KIN: variants seen among roughly 807,000 people sequenced by gnomAD.
The protein encoded by KIN is DNA/RNA-binding protein KIN17.
A neutral mutation model predicts 63.0 loss-of-function variants in KIN; 47 were observed. The observed-to-expected ratio is 0.75, with a 90% CI of 0.59 to 0.95. KIN has a LOEUF of 0.95. Ranked by LOEUF, KIN falls within the 40% of genes least tolerant of loss-of-function variation. The probability of loss-of-function intolerance (pLI) is 0.00; values close to 1 mark genes in which losing one functional copy is unlikely to be tolerated. For missense variants in KIN, 408 were observed against 460.9 expected, an observed-to-expected ratio of 0.89 and a Z score of 1.05; for synonymous variants, 160 against 157.7, an observed-to-expected ratio of 1.01 and a Z score of -0.11.
At position 7,775,751 on chromosome 10, in the gene KIN, C is replaced by T. The variant is rs997909685; in HGVS notation, c.607G>A (p.Val203Ile). 17 of 1,500,816 alleles carry T rather than the reference C, an allele frequency of 1.1e-5. No homozygotes were observed. Among genetic ancestry groups the T allele is most frequent in the Non-Finnish European group, 1.5e-5 (17 of 1,104,502 alleles). 93.0% of individuals were successfully genotyped at this position (1,500,816 alleles called of 1,614,324 possible). The change falls in exon 6 of 13, where the codon GTC (valine) becomes ATC (isoleucine). Residue 203 changes from valine (V) to isoleucine (I), a missense_variant and splice_region_variant. Physicochemically the swap from Val to Ile is conservative, Grantham distance 29. Transcript: ENST00000379562. ...ELSRENDEEKVTFNLSKGACS... is the reference protein window; with the variant it reads ...ELSRENDEEKITFNLSKGACS... ...AAGAAAAAATAAAAAATAAAACTAC[C>T]TTTCTCTTCATCATTTTCTCTGCTT...
At chr10:7,787,485 G>A (rs1292716417) in intron 1 of KIN, among the ~76,000 whole-genome samples, 1 of 152,220 alleles carries the variant, frequency 6.6e-6, no homozygotes, top group African/African-American at 2.4e-5. Flanking sequence ...AAGAGCTGAT[G>A]ACTGTTACTG....
In KIN at chr10:7,764,237, G is replaced by A. The variant is rs74121650; in HGVS notation, c.850-446C>T. 7.1e-3 allele frequency among the ~76,000 whole-genome samples: 1,082 copies of A among 152,280 alleles called. 8 individuals are homozygous for A. The highest frequency in any genetic ancestry group is 0.025 in the African/African-American group (1,022 of 41,552). ...CAAGGCACTGAGCCTGCAAGCTTAT[G>A]CAGGACAGTTCTCACTATGCCCCTT... is the stretch of plus-strand genomic sequence containing the variant. On this transcript the variant is annotated intron_variant, in intron 9 of 12. Transcript: ENST00000379562.
rs1178824625 is a variant in KIN, at chr10:7,753,243, C to T, written c.*2837G>A. The T allele has an allele frequency of 6.6e-6, 1 of 152,136 alleles. No homozygotes were observed. The highest frequency in any genetic ancestry group is 1.5e-5 in the Non-Finnish European group (1 of 68,038). The allele number at this position is 152,136 out of a possible 1,614,324, so 9.4% of individuals were successfully genotyped here. A position where few individuals can be genotyped will look rare whatever the true frequency, so the allele number is the denominator to read the frequency against. On this transcript the variant is annotated 3_prime_UTR_variant, in exon 13 of 13. Coordinates refer to ENST00000379562, the MANE Select transcript of KIN (RefSeq NM_012311.4). ...TTCAGATATTTTTTATTGAATTTAA[C>T]CTCAAGTATGCTGCCTCATTTCATT... is the stretch of plus-strand genomic sequence containing the variant.
At chr10:7,756,619 C>T (rs1485865447) in intron 12 of KIN, among the ~76,000 whole-genome samples, 1 of 152,172 alleles carries the variant, frequency 6.6e-6, no homozygotes, top group Non-Finnish European at 1.5e-5. Flanking sequence ...CTGGAAGGAC[C>T]CTGGGTTCAC....
intron 1 of KIN, among the ~76,000 whole-genome samples, chr10:7,783,554 C>A (rs1188425759): frequency 6.6e-6 from 1 of 152,188 alleles, no homozygotes; most frequent in Non-Finnish European, 1.5e-5. Flanking sequence ...TAAAATGGGT[C>A]ATTAGTGAAT....
intron 11 of KIN, chr10:7,761,093 G>C (rs990081010): frequency 7.9e-5 from 12 of 152,330 alleles, no homozygotes; most frequent in Admixed American, 4.6e-4. Flanking sequence ...GAAGGTAGGA[G>C]GGAGGGATTA....
At chr10:7,764,081 G>A (rs1002117917) in intron 9 of KIN, among the ~76,000 whole-genome samples, 6 of 152,182 alleles carry the variant, frequency 3.9e-5, no homozygotes, top group African/African-American at 1.4e-4. Context: ...ATCTAGGACT[G>A]TTATCGGTAA....
intron 7 of KIN, among the ~76,000 whole-genome samples, chr10:7,770,298 C>G (rs1439128546): frequency 6.6e-6 from 1 of 152,206 alleles, no homozygotes; most frequent in East Asian, 1.9e-4. Context: ...GAATACCATC[C>G]TAGTCACCAT....
chr10:7,780,403 G>GTT, intron 2 of KIN, 96 bp from the exon 3 acceptor site: 2 of 1,071,212 alleles, frequency 1.9e-6, no homozygotes, highest in Non-Finnish European at 1.3e-6. Context: ...TTTTGTTTTT[G>GTT]TTTTTTTTGA....
chr10:7,776,668 T>C lies in KIN; in HGVS notation c.559-869A>G, dbSNP rs1443657094. On this transcript the variant is annotated intron_variant, in intron 5 of 12. Coordinates refer to ENST00000379562, the MANE Select transcript of KIN (RefSeq NM_012311.4). The stretch of plus-strand genomic sequence containing the variant: ...ATTGCTTGAACCTGGGAGGCGGAGG[T>C]TGCAGTGAGCCGAGATCATGCCACT... 3.4e-5 allele frequency among the ~76,000 whole-genome samples: 5 copies of C among 148,040 alleles called. No homozygotes were observed. The East Asian group carries it at 9.9e-4, about 29-fold the overall frequency.
chr10:7,762,792 T>C (rs1835462059), intron 10 of KIN, among the ~76,000 whole-genome samples: 1 of 152,198 alleles, frequency 6.6e-6, no homozygotes, highest in African/African-American at 2.4e-5. Flanking sequence ...AACAGATTGG[T>C]GGTCCTGGAA....
At position 7,787,844 on chromosome 10, in the gene KIN, C is replaced by T; in HGVS notation, c.90G>A (p.Met30Ile). The stretch of plus-strand genomic sequence containing the variant: ...CCTCGTCCCGGCACTGCTTCTGGCA[C>T]ATCTGGCAATACCAGCGTAGCTTCT... ...GLQKLRWYCQ[M>I]CQKQCRDENG... Residue 30 changes from methionine to isoleucine, a missense_variant, in exon 1 of 13, where the codon ATG becomes ATA. Met to Ile is a conservative substitution (Grantham distance 10, BLOSUM62 1). This residue lies in a region of KIN where 110 missense variants were observed against 164.9 expected (regional missense o/e 0.67). Transcript: ENST00000379562. The T allele has an allele frequency of 1.2e-6, 2 of 1,614,052 alleles. No homozygotes were observed. The highest frequency in any genetic ancestry group is 1.7e-6 in the Non-Finnish European group (2 of 1,179,880).
chr10:7,758,571 C>G lies in KIN; in HGVS notation c.1119+1319G>C, dbSNP rs375212572. Among the ~76,000 whole-genome samples the G allele has an allele frequency of 3.2e-4, 49 of 151,032 alleles. No homozygotes were observed. The South Asian group carries it at 9.6e-3, about 29-fold the overall frequency. ...GAGATGGAACTCAACACAGCCTCAA[C>G]AGTAATCAGTTGTTTTGTGTTTCCC... On this transcript the variant is annotated intron_variant, in intron 12 of 12. Coordinates refer to ENST00000379562, the MANE Select transcript of KIN (RefSeq NM_012311.4).
intron 4 of KIN, among the ~76,000 whole-genome samples, chr10:7,779,728 A>C (rs1000154991): frequency 6.6e-6 from 1 of 152,210 alleles, no homozygotes; most frequent in Non-Finnish European, 1.5e-5. Flanking sequence ...CAAGTGCTAC[A>C]TCATTTTATT....
At chr10:7,779,916 G>A in intron 4 of KIN, 140 bp downstream of exon 4, 1 of 715,708 alleles carries the variant, frequency 1.4e-6, no homozygotes, top group Non-Finnish European at 2.3e-6. Flanking sequence ...CAGAAATTAT[G>A]CTCCCAAAAT....
intron 11 of KIN, among the ~76,000 whole-genome samples, chr10:7,760,660 A>G (rs192437460): frequency 0.016 from 2,332 of 148,774 alleles, 62 homozygotes; most frequent in African/African-American, 0.054. Flanking sequence ...AACTTTTATC[A>G]TACTATATTA....
At chr10:7,785,768 C>T (rs1377311287) in intron 1 of KIN, among the ~76,000 whole-genome samples, 1 of 149,282 alleles carries the variant, frequency 6.7e-6, no homozygotes, top group African/African-American at 2.5e-5. Context: ...GAGCTGAGAT[C>T]GCATCACTGC....
chr10:7,756,206 C>A, intron 12 of KIN, 64 bp from the exon 13 acceptor site: 2 of 953,060 alleles, frequency 2.1e-6, no homozygotes, highest in Non-Finnish European at 3.1e-6. Flanking sequence ...AAAAAAATGA[C>A]ACCATACTTA....
At chr10:7,774,747 T>C in intron 7 of KIN, 84 bp downstream of exon 7, 1 of 1,055,982 alleles carries the variant, frequency 9.5e-7, no homozygotes, top group Non-Finnish European at 1.4e-6. Context: ...TAGAAAAAAA[T>C]GATTCACAAT....
Sources: allele counts gnomAD v4.1 joint callset (sites outside exome capture counted in the v4.1 genomes callset), GRCh38; gene constraint gnomAD v4.1.1; regional missense constraint gnomAD v4.1.1; transcripts MANE v1.5; gene names NCBI Gene and HGNC (gene_info 2026-07-23, HGNC 2026-07-21).